Variants in DDAH1 observed in about 807,000 individuals in gnomAD.
DDAH1 encodes the protein dimethylarginine dimethylaminohydrolase 1.
In DDAH1, 19 loss-of-function variants were observed where a neutral mutation model predicts 28.8. The ratio of observed to expected loss-of-function variants is 0.66; its 90% CI spans 0.46 to 0.97. DDAH1 has a LOEUF of 0.97. Among genes scored for constraint, DDAH1 ranks in the 50% least tolerant of loss-of-function variants. The pLI, the probability that DDAH1 is intolerant of heterozygous loss-of-function variation, is 0.00. For missense variants in DDAH1, 326 were observed against 375.9 expected (o/e 0.87, Z 1.10); for synonymous variants, 153 against 154.4 (o/e 0.99, Z 0.07).
intron 4 of DDAH1, among the ~76,000 whole-genome samples, chr1:85,326,506 A>C (rs1305041319): frequency 1.3e-5 from 2 of 152,254 alleles, no homozygotes; most frequent in African/African-American, 4.8e-5. Context: ...TAGGTCACAT[A>C]GGTAGATTCA....
At position 85,557,446 on chromosome 1, in the gene DDAH1, G is replaced by C. The variant is rs570911566; in HGVS notation, c.-123+20538C>G. ...TCATTTGAGAGATGAGAATACTGAA[G>C]TGTAGAAAGGCCAGATATCTTGTTC... On this transcript the variant is annotated intron_variant, in intron 1 of 6. Coordinates refer to the DDAH1 transcript ENST00000426972. 2.6e-5 allele frequency among the ~76,000 whole-genome samples: 4 copies of C among 152,338 alleles called. No individual in the cohort carries two copies. The South Asian group carries it at 8.3e-4, about 32-fold the overall frequency.
chr1:85,426,483 C>T lies in DDAH1; in HGVS notation c.303+38260G>A, dbSNP rs191561216. 2.4e-3 allele frequency among the ~76,000 whole-genome samples: 371 copies of T among 152,266 alleles called. 1 individual carries two copies. The highest frequency in any genetic ancestry group is 8.6e-3 in the African/African-American group (358 of 41,554). ...ATTTATGGCCTAAGCAATTGCATAG[C>T]TACTATTTGAGCAGTTCTGAAATAC... On this transcript the variant is annotated intron_variant, in intron 1 of 5. Coordinates refer to ENST00000284031, the MANE Select transcript of DDAH1 (RefSeq NM_012137.4).
intron 1 of DDAH1, among the ~76,000 whole-genome samples, chr1:85,543,236 T>C (rs1658525147): frequency 6.6e-6 from 1 of 152,214 alleles, no homozygotes. Context: ...TTAGTTAAAT[T>C]CTCAGTCACA....
At chr1:85,525,426 G>C (rs1296516161) in intron 1 of DDAH1, among the ~76,000 whole-genome samples, 3 of 152,148 alleles carry the variant, frequency 2.0e-5, no homozygotes, top group Non-Finnish European at 2.9e-5. Flanking sequence ...AAACAGCAAA[G>C]GTTCAGTACA....
chr1:85,417,678 A>G (rs1467439340), intron 1 of DDAH1, among the ~76,000 whole-genome samples: 2 of 152,220 alleles, frequency 1.3e-5, no homozygotes, highest in African/African-American at 4.8e-5. Context: ...TGTAATCAGC[A>G]GCAGCTTCCT....
intron 4 of DDAH1, among the ~76,000 whole-genome samples, chr1:85,334,848 C>CT (rs1488566061): frequency 2.0e-5 from 3 of 152,110 alleles, no homozygotes; most frequent in Non-Finnish European, 2.9e-5. Context: ...TAATCTGAAA[C>CT]TTTACAGTCC....
upstream of DDAH1, among the ~76,000 whole-genome samples, chr1:85,466,835 T>TATTTA (rs777454125): frequency 2.6e-5 from 2 of 77,454 alleles, no homozygotes; most frequent in East Asian, 7.0e-4. Context: ...ATTTATTCTT[T>TATTTA]TTTTTTTTTT....
chr1:85,464,348 A>T lies in DDAH1; in HGVS notation c.303+395T>A. On this transcript the variant is annotated intron_variant, in intron 1 of 5. Coordinates refer to ENST00000284031, the MANE Select transcript of DDAH1 (RefSeq NM_012137.4). The surrounding 1 kb of genome is among the most constrained non-coding windows in gnomAD (Gnocchi z 4.4). ...TGTCACGACTGGCGCTGCCCCCTGG[A>T]GGGACGCCCAGCCTCCACCCGCCCT... 1 of 589,486 alleles carries T rather than the reference A, an allele frequency of 1.7e-6. No homozygotes were observed. The highest frequency in any genetic ancestry group is 1.7e-5 in the South Asian group (1 of 58,156). 36.5% of individuals were successfully genotyped at this position (589,486 alleles called of 1,614,324 possible). A position where few individuals can be genotyped will look rare whatever the true frequency, so the allele number is the denominator to read the frequency against.
At chr1:85,417,074 AC>A (rs1256980401) in intron 1 of DDAH1, among the ~76,000 whole-genome samples, 3 of 152,242 alleles carry the variant, frequency 2.0e-5, no homozygotes, top group African/African-American at 7.2e-5. Flanking sequence ...TTTTTAGAAA[AC>A]CATTTTTTGT....
rs1481338134 is a variant in DDAH1, at chr1:85,414,186, ATAT to A, written c.303+50554_303+50556del. Among the ~76,000 whole-genome samples, 327 of 152,342 alleles carry A rather than the reference ATAT, an allele frequency of 2.1e-3. 2 individuals are homozygous for A. Among genetic ancestry groups the A allele is most frequent in the African/African-American group, 7.6e-3 (318 of 41,576 alleles). ...TTAGAACCCAGAAACAGATCCACACATATATAGGGCTATAGCTCACAACAAAGA... is the reference window on the plus strand; with the variant it reads ...TTAGAACCCAGAAACAGATCCACACAATAGGGCTATAGCTCACAACAAAGA... On this transcript the variant is annotated intron_variant, in intron 1 of 5. Transcript: ENST00000284031.
At chr1:85,489,711 G>T (rs1282127560) in intron 2 of DDAH1, among the ~76,000 whole-genome samples, 1 of 151,968 alleles carries the variant, frequency 6.6e-6, no homozygotes, top group South Asian at 2.1e-4. Context: ...AAAGGGAGAG[G>T]AGGCAAATCA....
In DDAH1 at chr1:85,406,421, G is replaced by GA. The variant is rs144097050; in HGVS notation, c.304-47575dup. On this transcript the variant is annotated intron_variant, in intron 1 of 5. Coordinates refer to ENST00000284031, the MANE Select transcript of DDAH1 (RefSeq NM_012137.4). Reference sequence around the variant, plus strand: ...ATTATCCCCATCCTCTCAGCAAAATGAAATAGTAACCTCTATGATAAATTA... The same window carrying GA: ...ATTATCCCCATCCTCTCAGCAAAATGAAAATAGTAACCTCTATGATAAATTA... 3.7e-4 allele frequency among the ~76,000 whole-genome samples: 56 copies of GA among 152,160 alleles called. No homozygotes were observed. In the East Asian group the frequency reaches 8.9e-3, roughly 24 times the overall value.
chr1:85,529,579 C>T (rs1303539074), intron 1 of DDAH1, among the ~76,000 whole-genome samples: 1 of 126,668 alleles, frequency 7.9e-6, no homozygotes, highest in Admixed American at 8.3e-5. Context: ...TCTGAGTACA[C>T]GATTCTCAAT....
intron 1 of DDAH1, among the ~76,000 whole-genome samples, chr1:85,549,581 G>A (rs1658725157): frequency 6.6e-6 from 1 of 152,124 alleles, no homozygotes; most frequent in Admixed American, 6.5e-5. Flanking sequence ...CTTTTCTCCT[G>A]CTTTCTGTTA....
chr1:85,379,786 A>G, intron 1 of DDAH1: 1 of 834,000 alleles, frequency 1.2e-6, no homozygotes. Context: ...TTAATCACCA[A>G]CCTTGGAATC....
intron 1 of DDAH1, among the ~76,000 whole-genome samples, chr1:85,437,380 T>C (rs1195985340): frequency 6.6e-6 from 1 of 152,186 alleles, no homozygotes; most frequent in Non-Finnish European, 1.5e-5. Flanking sequence ...GGTCCATTTA[T>C]ATGCAGATCT....
chr1:85,481,106 T>TTTG (rs1255497539), intron 2 of DDAH1, among the ~76,000 whole-genome samples: 3 of 147,524 alleles, frequency 2.0e-5, no homozygotes, highest in African/African-American at 5.0e-5. Context: ...TTGTTTTTTT[T>TTTG]TTTTTTTTTG....
chr1:85,518,487 C>A (rs191417779), intron 1 of DDAH1, among the ~76,000 whole-genome samples: 36 of 152,262 alleles, frequency 2.4e-4, no homozygotes, highest in African/African-American at 2.2e-4. Context: ...CCCTTAGCTC[C>A]TAGAGGCCTC....
At chr1:85,491,821 T>A (rs564201587) in intron 2 of DDAH1, among the ~76,000 whole-genome samples, 72 of 152,300 alleles carry the variant, frequency 4.7e-4, no homozygotes, top group African/African-American at 1.5e-3. Context: ...CTCTATACCA[T>A]CATTCTCAAT....
Sources: allele counts gnomAD v4.1 joint callset (sites outside exome capture counted in the v4.1 genomes callset), GRCh38; gene constraint gnomAD v4.1.1; non-coding constraint Gnocchi (gnomAD v3.1); transcripts MANE v1.5; gene names NCBI Gene and HGNC (gene_info 2026-07-23, HGNC 2026-07-21).